Variants in DHX32 observed in about 807,000 individuals in gnomAD.
DHX32 encodes putative pre-mRNA-splicing factor ATP-dependent RNA helicase DHX32.
DHX32 carries 51 observed loss-of-function variants against 70.0 expected under a neutral mutation model. That is an observed-to-expected ratio of 0.73 (90% CI 0.58 to 0.92). DHX32 has a LOEUF of 0.92. Among genes scored for constraint, DHX32 ranks in the 40% least tolerant of loss-of-function variants. The pLI is 0.00. For missense variants in DHX32, 762 were observed against 891.8 expected (o/e 0.85, Z 1.85); for synonymous variants, 310 against 315.3 (o/e 0.98, Z 0.18).
chr10:125,886,751 A>G (rs1217836790), intron 1 of DHX32, among the ~76,000 whole-genome samples: 1 of 152,300 alleles, frequency 6.6e-6, no homozygotes, highest in Non-Finnish European at 1.5e-5. Flanking sequence ...TTTCTTCTTG[A>G]TCAATTCAGA....
At chr10:125,865,522 G>A (rs981938440) in intron 2 of DHX32, among the ~76,000 whole-genome samples, 1 of 152,124 alleles carries the variant, frequency 6.6e-6, no homozygotes, top group African/African-American at 2.4e-5. Context: ...CAAACCGAAT[G>A]AGCCCCATGG....
intron 6 of DHX32, chr10:125,842,687 A>C (rs974291584): frequency 2.8e-5 from 9 of 318,436 alleles, no homozygotes; most frequent in African/African-American, 1.8e-4. Flanking sequence ...GAAAAGCAGG[A>C]AAATACATTG....
chr10:125,847,636 C>T (rs73381240), intron 6 of DHX32, among the ~76,000 whole-genome samples: 1,818 of 152,188 alleles, frequency 0.012, 32 homozygotes, highest in African/African-American at 0.04. Context: ...GATTCAAGCT[C>T]GTTACATGTG....
chr10:125,851,826 TGGGA>T (rs1321702799), intron 6 of DHX32, among the ~76,000 whole-genome samples: 1 of 145,518 alleles, frequency 6.9e-6, no homozygotes, highest in Non-Finnish European at 1.5e-5. Flanking sequence ...GAAGCTGTGG[TGGGA>T]GGATCACTTG....
chr10:125,852,478 T>C (rs1944103618), intron 5 of DHX32, 27 bp from the exon 6 acceptor site: 3 of 1,613,676 alleles, frequency 1.9e-6, no homozygotes, highest in African/African-American at 1.3e-5. Context: ...AAAATGGCTT[T>C]AATATTTCTG....
intron 6 of DHX32, among the ~76,000 whole-genome samples, chr10:125,849,271 A>G (rs913387180): frequency 6.6e-6 from 1 of 152,244 alleles, no homozygotes; most frequent in Non-Finnish European, 1.5e-5. Context: ...ACGCAAAAAC[A>G]TATCAACTTA....
chr10:125,851,846 G>A (rs1275501777), intron 6 of DHX32, among the ~76,000 whole-genome samples: 1 of 148,670 alleles, frequency 6.7e-6, no homozygotes, highest in East Asian at 2.0e-4. Flanking sequence ...ACTTGAGCCT[G>A]TGAGGTGGAG....
In DHX32 at chr10:125,866,874, G is replaced by A; in HGVS notation, c.476+116C>T. The stretch of plus-strand genomic sequence containing the variant: ...GGCTGGCTGATGACAGAGACCAGTT[G>A]CTACTGCACAGCATAGATGCTTAAC... On this transcript the variant is annotated intron_variant, in intron 2 of 10. Coordinates refer to ENST00000284690, the MANE Select transcript of DHX32 (RefSeq NM_018180.3). The surrounding 1 kb of genome is among the most constrained non-coding windows in gnomAD (Gnocchi z 4.8). 2 of 1,078,874 alleles carry A rather than the reference G, an allele frequency of 1.9e-6. No individual in the cohort carries two copies. Among genetic ancestry groups the A allele is most frequent in the Non-Finnish European group, 2.6e-6 (2 of 757,110 alleles). 66.8% of individuals were successfully genotyped at this position (1,078,874 alleles called of 1,614,324 possible).
chr10:125,858,556 G>T (rs1944162710), intron 3 of DHX32, among the ~76,000 whole-genome samples: 1 of 152,190 alleles, frequency 6.6e-6, no homozygotes, highest in Non-Finnish European at 1.5e-5. Context: ...TTTATGCTTT[G>T]AGTATAAAAT....
In DHX32 at chr10:125,841,076, C is replaced by T. The variant is rs554519259; in HGVS notation, c.1544-80G>A. ...CCTAACATGCAGAGGGGAGGGGTCA[C>T]GACTGTTAGTGGCATGGCTCCTGTC... On this transcript the variant is annotated intron_variant, in intron 7 of 10. Transcript: ENST00000284690. 72 of 1,495,532 alleles carry T rather than the reference C, an allele frequency of 4.8e-5. No individual in the cohort carries two copies. In the African/African-American group the frequency reaches 7.8e-4, roughly 16 times the overall value. The allele number at this position is 1,495,532 out of a possible 1,614,324, so 92.6% of individuals were successfully genotyped here. A position where few individuals can be genotyped will look rare whatever the true frequency, so the allele number is the denominator to read the frequency against.
chr10:125,858,243 TTAG>T (rs1482094425), intron 3 of DHX32, among the ~76,000 whole-genome samples: 8 of 152,118 alleles, frequency 5.3e-5, no homozygotes, highest in African/African-American at 1.4e-4. Flanking sequence ...CTCAAATATA[TTAG>T]ATTTGCCATT....
At chr10:125,869,028 G>A (rs540668933) in intron 1 of DHX32, among the ~76,000 whole-genome samples, 13 of 152,046 alleles carry the variant, frequency 8.6e-5, no homozygotes, top group Admixed American at 2.6e-4. Flanking sequence ...ATTATTCATT[G>A]AATGAATAAT....
chr10:125,836,408 C>CT lies in DHX32; in HGVS notation c.*278dup. On this transcript the variant is annotated 3_prime_UTR_variant, in exon 11 of 11. Transcript: ENST00000284690. ...AAGTAGGGTTCTGTCCCATGTGTCT[C>CT]TGACACATTTACAAAATACCAGTTT... is the stretch of plus-strand genomic sequence containing the variant. 2 of 1,482,032 alleles carry CT rather than the reference C, an allele frequency of 1.3e-6. No homozygotes were observed. The highest frequency in any genetic ancestry group is 4.9e-5 in the East Asian group (2 of 40,892). The allele number at this position is 1,482,032 out of a possible 1,614,324, so 91.8% of individuals were successfully genotyped here.
chr10:125,859,513 A>G, intron 3 of DHX32, 90 bp downstream of exon 3: 2 of 1,387,100 alleles, frequency 1.4e-6, no homozygotes, highest in Non-Finnish European at 1.9e-6. Context: ...TTAAACAGTT[A>G]ATTAGCAAAC....
chr10:125,836,998 C>G (rs1854711782), intron 10 of DHX32, 143 bp from the exon 11 acceptor site: 1 of 688,208 alleles, frequency 1.5e-6, no homozygotes, highest in Non-Finnish European at 2.4e-6. Context: ...TATCTCAGTC[C>G]GACTTTGTAA....
rs755958826 is a variant in DHX32 at position 125,839,004 on chromosome 10, C to G, written c.1878G>C (p.Met626Ile). The G allele has an allele frequency of 6.2e-7, 1 of 1,613,598 alleles. No homozygotes were observed. The highest frequency in any genetic ancestry group is 8.5e-7 in the Non-Finnish European group (1 of 1,179,682). ...AGGTGACCCCACCCCTTCTCACCTG[C>G]ATAAAGTAACCGGACAGAAGAGCTT... ...IKKALLSGYF[M>I]QIARDVDGSG... The change falls in exon 9 of 11, where the codon ATG becomes ATC. Residue 626 changes from methionine (M) to isoleucine (I), a missense_variant. Met to Ile is a conservative substitution (Grantham distance 10). Coordinates refer to ENST00000284690, the MANE Select transcript of DHX32 (RefSeq NM_018180.3).
intron 2 of DHX32, among the ~76,000 whole-genome samples, chr10:125,860,492 A>G (rs541667296): frequency 2.6e-5 from 4 of 152,340 alleles, no homozygotes; most frequent in African/African-American, 9.6e-5. Context: ...GTGAGAGATG[A>G]TATCATTAAG....
At chr10:125,841,135 A>C in intron 7 of DHX32, 139 bp from the exon 8 acceptor site, 2 of 1,374,568 alleles carry the variant, frequency 1.5e-6, no homozygotes, top group Non-Finnish European at 2.0e-6. Context: ...ATTCTTGTTT[A>C]CTTAGAAATC....
intron 1 of DHX32, among the ~76,000 whole-genome samples, chr10:125,887,160 T>C (rs12262019): frequency 0.022 from 3,326 of 152,332 alleles, 142 homozygotes; most frequent in African/African-American, 0.075. Context: ...ATAGGTCTTC[T>C]GTGTCTTCAA....
Sources: allele counts gnomAD v4.1 joint callset (sites outside exome capture counted in the v4.1 genomes callset), GRCh38; gene constraint gnomAD v4.1.1; non-coding constraint Gnocchi (gnomAD v3.1); transcripts MANE v1.5; gene names NCBI Gene and HGNC (gene_info 2026-07-23, HGNC 2026-07-21).